KCNH5: variants seen among roughly 807,000 people sequenced by gnomAD.
KCNH5 encodes the protein voltage-gated delayed rectifier potassium channel KCNH5.
KCNH5 carries 46 observed loss-of-function variants against 96.1 expected under a neutral mutation model. The ratio of observed to expected loss-of-function variants is 0.48; its 90% CI spans 0.38 to 0.61. The LOEUF (loss-of-function observed/expected upper bound fraction) is 0.61, where lower values mean the gene tolerates loss of function less well. Among genes scored for constraint, KCNH5 ranks in the 20% least tolerant of loss-of-function variants. The pLI, the probability that KCNH5 is intolerant of heterozygous loss-of-function variation, is 0.00. For missense variants in KCNH5, 907 were observed against 1,225.8 expected (o/e 0.74, Z 3.88); for synonymous variants, 439 against 449.8 (o/e 0.98, Z 0.30).
chr14:62,708,461 G>A lies in KCNH5; in HGVS notation c.2020-6C>T. ...CTGATCTTACGAAAGATGATCTGTG[G>A]AACGGGAGAGATAGTCACAGCCTGA... On this transcript the variant is annotated splice_region_variant and splice_polypyrimidine_tract_variant and intron_variant, in intron 10 of 10. Transcript: ENST00000322893. The A allele has an allele frequency of 6.4e-7, 1 of 1,557,564 alleles. No individual in the cohort carries two copies. Among genetic ancestry groups the A allele is most frequent in the South Asian group, 1.1e-5 (1 of 87,976 alleles).
chr14:62,951,004 G>A (rs888786979), intron 6 of KCNH5, among the ~76,000 whole-genome samples: 1 of 152,072 alleles, frequency 6.6e-6, no homozygotes, highest in African/African-American at 2.4e-5. Context: ...GCTACAAATA[G>A]CAGAACTCTG....
At chr14:62,952,559 T>C (rs562502116) in intron 6 of KCNH5, among the ~76,000 whole-genome samples, 188 of 152,338 alleles carry the variant, frequency 1.2e-3, no homozygotes, top group African/African-American at 4.2e-3. Flanking sequence ...AAAACAATGA[T>C]GTTATAGATA....
intron 9 of KCNH5, 113 bp downstream of exon 9, chr14:62,802,216 A>G: frequency 1.0e-6 from 1 of 993,180 alleles, no homozygotes; most frequent in South Asian, 1.6e-5. Context: ...CTCATTAGTG[A>G]CCCAATTTCC....
chr14:62,864,570 G>A (rs1156811108), intron 7 of KCNH5, among the ~76,000 whole-genome samples: 3 of 152,162 alleles, frequency 2.0e-5, no homozygotes, highest in Admixed American at 2.0e-4. Context: ...AATTTTATTT[G>A]ATGGAGCAGT....
chr14:63,015,323 T>C (rs1411393711), intron 2 of KCNH5, among the ~76,000 whole-genome samples: 1 of 152,020 alleles, frequency 6.6e-6, no homozygotes, highest in African/African-American at 2.4e-5. Flanking sequence ...GCAAAACCTA[T>C]TTAAGTGATT....
chr14:62,927,258 A>G (rs1157010641), intron 7 of KCNH5, among the ~76,000 whole-genome samples: 1 of 152,136 alleles, frequency 6.6e-6, no homozygotes, highest in African/African-American at 2.4e-5. Flanking sequence ...AGGGATGTGG[A>G]GAAACTGAAA....
chr14:63,016,702 C>T, intron 2 of KCNH5, 129 bp downstream of exon 2: 2 of 866,260 alleles, frequency 2.3e-6, no homozygotes, highest in Non-Finnish European at 1.7e-6. Context: ...ATTTAGTCTC[C>T]CTAATATTCT....
At chr14:62,990,543 T>C (rs887286116) in intron 4 of KCNH5, among the ~76,000 whole-genome samples, 1 of 152,094 alleles carries the variant, frequency 6.6e-6, no homozygotes, top group Non-Finnish European at 1.5e-5. Context: ...AGGACTATCA[T>C]TGATTTGAAA....
chr14:63,022,623 G>GC (rs1345853164), intron 1 of KCNH5, among the ~76,000 whole-genome samples: 2 of 151,858 alleles, frequency 1.3e-5, no homozygotes, highest in Non-Finnish European at 2.9e-5. Flanking sequence ...CACGATACTC[G>GC]CCTACAATAG....
chr14:62,902,063 G>T (rs1420271600), intron 7 of KCNH5, among the ~76,000 whole-genome samples: 2 of 150,854 alleles, frequency 1.3e-5, no homozygotes, highest in East Asian at 1.9e-4. Context: ...ATTTTAATGG[G>T]TTTTTTTTTC....
intron 8 of KCNH5, among the ~76,000 whole-genome samples, chr14:62,832,907 T>C (rs1887385617): frequency 6.6e-6 from 1 of 152,194 alleles, no homozygotes; most frequent in African/African-American, 2.4e-5. Flanking sequence ...CAGCCATTTG[T>C]ATGTTTTCTT....
intron 1 of KCNH5, among the ~76,000 whole-genome samples, chr14:63,027,455 T>G (rs560021830): frequency 6.6e-6 from 1 of 151,034 alleles, no homozygotes; most frequent in Non-Finnish European, 1.5e-5. Context: ...CTAGACTATC[T>G]TTTTAAAAAC....
At chr14:62,749,275 CT>C (rs1885445298) in intron 10 of KCNH5, among the ~76,000 whole-genome samples, 1 of 152,216 alleles carries the variant, frequency 6.6e-6, no homozygotes. Context: ...TCGAAGGTCA[CT>C]GATTGGCTCA....
chr14:62,775,563 C>A (rs529820597), intron 10 of KCNH5, among the ~76,000 whole-genome samples: 11 of 152,296 alleles, frequency 7.2e-5, no homozygotes, highest in African/African-American at 2.6e-4. Flanking sequence ...TCCATTTCCA[C>A]AGTAACTATA....
chr14:62,802,805 A>G (rs929522278), intron 8 of KCNH5, among the ~76,000 whole-genome samples: 1 of 152,178 alleles, frequency 6.6e-6, no homozygotes, highest in Non-Finnish European at 1.5e-5. Flanking sequence ...ACAATGCAGA[A>G]CTATGTAGTA....
chr14:62,764,152 C>T (rs940163707), intron 10 of KCNH5, among the ~76,000 whole-genome samples: 38 of 152,268 alleles, frequency 2.5e-4, no homozygotes, highest in African/African-American at 7.5e-4. Context: ...CCAAAACCAG[C>T]AGCACATCAA....
intron 10 of KCNH5, among the ~76,000 whole-genome samples, chr14:62,742,331 A>G (rs1885287473): frequency 6.6e-6 from 1 of 152,248 alleles, no homozygotes; most frequent in South Asian, 2.1e-4. Context: ...AAAATAATTC[A>G]GTTAAACTTT....
At chr14:62,748,214 C>T (rs1286440935) in intron 10 of KCNH5, among the ~76,000 whole-genome samples, 4 of 152,186 alleles carry the variant, frequency 2.6e-5, no homozygotes, top group South Asian at 4.2e-4. Flanking sequence ...AAAGGAGGCA[C>T]GCATCCACCC....
At chr14:62,824,760 T>C (rs530026800) in intron 8 of KCNH5, among the ~76,000 whole-genome samples, 2 of 152,058 alleles carry the variant, frequency 1.3e-5, no homozygotes, top group East Asian at 1.9e-4. Flanking sequence ...TTTTCAACCA[T>C]TGTCCTTCTC....
Sources: gnomAD v4.1 joint callset for allele counts (sites outside exome capture counted in the v4.1 genomes callset) on GRCh38, gnomAD v4.1.1 for gene constraint, MANE v1.5 for transcripts, NCBI Gene and HGNC (gene_info 2026-07-23, HGNC 2026-07-21) for gene names.